AZIN2: variants seen among roughly 807,000 people sequenced by gnomAD.
The protein encoded by AZIN2 is antizyme inhibitor 2, also known as ODC antizyme inhibitor-2.
Under a neutral mutation model 47.8 loss-of-function variants are expected in AZIN2, and 28 were observed. The ratio of observed to expected loss-of-function variants is 0.59; its 90% confidence interval spans 0.43 to 0.80. The LOEUF is 0.80. Ranked by LOEUF, AZIN2 falls within the 30% of genes least tolerant of loss-of-function variation. The pLI is 0.00. For synonymous variants in AZIN2, 221 were observed against 239.4 expected, an observed-to-expected ratio of 0.92 and a Z score of 0.71; for missense variants, 535 against 582.5, an observed-to-expected ratio of 0.92 and a Z score of 0.84.
At chr1:33,127,928 C>T (rs1270465095), downstream of AZIN2, among the ~76,000 whole-genome samples, 1 of 152,168 alleles carries the variant, frequency 6.6e-6, no homozygotes, top group African/African-American at 2.4e-5. Flanking sequence ...GACTCCTACC[C>T]TCCACTGCCT....
chr1:33,118,828 G>C (rs1644685031), intron 11 of AZIN2: 1 of 152,326 alleles, frequency 6.6e-6, no homozygotes, highest in Non-Finnish European at 1.5e-5. Context: ...AGTGAGGCAA[G>C]AGGCATGCAA....
At chr1:33,156,764 C>G in the AZIN2 span, among the ~76,000 whole-genome samples, 1 of 152,218 alleles carries the variant, frequency 6.6e-6, no homozygotes, top group Non-Finnish European at 1.5e-5. Context: ...GCTGAGATAA[C>G]TAATTGGCAT....
chr1:33,095,943 TTCTCGTG>T (rs1337495814), intron 8 of AZIN2, among the ~76,000 whole-genome samples: 2 of 152,102 alleles, frequency 1.3e-5, no homozygotes, highest in Non-Finnish European at 2.9e-5. Flanking sequence ...GTTCAAGAGA[TTCTCGTG>T]TCTCAGCCTC....
chr1:33,095,526 A>G (rs935408343), intron 8 of AZIN2, among the ~76,000 whole-genome samples: 1 of 152,338 alleles, frequency 6.6e-6, no homozygotes, highest in Admixed American at 6.5e-5. Context: ...ACTACTCCAA[A>G]AAGTTAACAA....
At chr1:33,110,183 A>G (rs1644226654) in intron 10 of AZIN2, among the ~76,000 whole-genome samples, 1 of 152,232 alleles carries the variant, frequency 6.6e-6, no homozygotes, top group Admixed American at 6.5e-5. Flanking sequence ...TTGTAACCAC[A>G]AGCCAGCCTT....
chr1:33,097,289 G>A (rs921878539), intron 9 of AZIN2, among the ~76,000 whole-genome samples: 4 of 152,176 alleles, frequency 2.6e-5, no homozygotes, highest in African/African-American at 9.7e-5. Context: ...ATTAATGACA[G>A]CTTACATTTG....
intron 8 of AZIN2, among the ~76,000 whole-genome samples, chr1:33,096,116 G>T (rs1425443168): frequency 5.9e-5 from 9 of 152,176 alleles, no homozygotes; most frequent in African/African-American, 2.2e-4. Context: ...GGGATTACAG[G>T]CATGAGCCAC....
chr1:33,091,898 C>A, intron 5 of AZIN2, 152 bp from the exon 6 acceptor site: 1 of 749,298 alleles, frequency 1.3e-6, no homozygotes, highest in Non-Finnish European at 2.2e-6. Flanking sequence ...CATGTAAGTC[C>A]TGATATCTAT....
At chr1:33,109,549 G>A (rs950623969) in intron 10 of AZIN2, among the ~76,000 whole-genome samples, 2 of 151,878 alleles carry the variant, frequency 1.3e-5, no homozygotes, top group African/African-American at 2.4e-5. Flanking sequence ...GGCTGGTCTC[G>A]AACTCCTGGC....
the AZIN2 span, among the ~76,000 whole-genome samples, chr1:33,140,469 A>C: frequency 6.6e-6 from 1 of 152,194 alleles, no homozygotes; most frequent in Non-Finnish European, 1.5e-5. This position sits in a 1 kb window ranked among gnomAD's most constrained non-coding sequence, Gnocchi z 4.0. Context: ...GACCTGCGGT[A>C]TGTGGTAAGC....
chr1:33,112,817 A>G (rs773139157), intron 10 of AZIN2, among the ~76,000 whole-genome samples: 2 of 152,154 alleles, frequency 1.3e-5, no homozygotes, highest in African/African-American at 2.4e-5. Flanking sequence ...TTATCACATT[A>G]TTTCTAATGT....
At chr1:33,095,785 T>C (rs924407283) in intron 8 of AZIN2, among the ~76,000 whole-genome samples, 4 of 152,228 alleles carry the variant, frequency 2.6e-5, no homozygotes, top group Non-Finnish European at 4.4e-5. Flanking sequence ...TTAACAGATA[T>C]TTTATGTGTG....
downstream of AZIN2, among the ~76,000 whole-genome samples, chr1:33,127,288 C>G (rs1308678531): frequency 6.6e-6 from 1 of 152,266 alleles, no homozygotes; most frequent in East Asian, 1.9e-4. Context: ...TCCCTTGAAG[C>G]CACGGTCTTC....
At chr1:33,085,289 T>A in intron 5 of AZIN2, among the ~76,000 whole-genome samples, 1 of 151,440 alleles carries the variant, frequency 6.6e-6, no homozygotes, top group East Asian at 1.9e-4. Flanking sequence ...TGGAAAATGC[T>A]GTAGAGAGAA....
chr1:33,147,392 T>C, the AZIN2 span: 1 of 1,614,140 alleles, frequency 6.2e-7, no homozygotes, highest in Non-Finnish European at 8.5e-7. The surrounding 1 kb of genome is among the most constrained non-coding windows in gnomAD (Gnocchi z 8.1). Flanking sequence ...TTAAGCCGCG[T>C]CCAGGGCTCC....
At chr1:33,139,819 A>T in the AZIN2 span, among the ~76,000 whole-genome samples, 1 of 152,156 alleles carries the variant, frequency 6.6e-6, no homozygotes, top group Non-Finnish European at 1.5e-5. Flanking sequence ...GACAGGAGCC[A>T]CCAGCAGCTG....
the AZIN2 span, among the ~76,000 whole-genome samples, chr1:33,129,413 A>G: frequency 2.0e-5 from 3 of 152,324 alleles, no homozygotes; most frequent in South Asian, 4.1e-4. This position sits in a 1 kb window ranked among gnomAD's most constrained non-coding sequence, Gnocchi z 4.1. Context: ...TAAAGGCGGT[A>G]CACAGACTGT....
intron 4 of AZIN2, 37 bp from the exon 5 acceptor site, chr1:33,083,917 G>A (rs767533642): frequency 1.2e-6 from 2 of 1,612,766 alleles, no homozygotes; most frequent in South Asian, 2.2e-5. Context: ...GTGCGAGCTG[G>A]ATGGGGTCTC....
chr1:33,091,430 G>A (rs1435938692), intron 5 of AZIN2, among the ~76,000 whole-genome samples: 2 of 152,106 alleles, frequency 1.3e-5, no homozygotes, highest in African/African-American at 2.4e-5. Flanking sequence ...GGTAGAGATG[G>A]GGTTTTGCCA....
Sources: gnomAD v4.1 joint callset for allele counts (sites outside exome capture counted in the v4.1 genomes callset) on GRCh38, gnomAD v4.1.1 for gene constraint, Gnocchi (gnomAD v3.1) non-coding constraint, MANE v1.5 for transcripts, NCBI Gene and HGNC (gene_info 2026-07-23, HGNC 2026-07-21) for gene names.